Variants in GPI observed in about 807,000 individuals in gnomAD.
GPI encodes D-hexose-6-phosphate anomerase.
In GPI, 56 loss-of-function variants were observed where a neutral mutation model predicts 75.8. That is an observed-to-expected ratio of 0.74 (90% CI 0.60 to 0.92). The LOEUF (loss-of-function observed/expected upper bound fraction) is 0.92. Ranked by LOEUF, GPI falls within the 40% of genes least tolerant of loss-of-function variation. The pLI is 0.00. For missense variants in GPI, 638 were observed against 741.0 expected, an observed-to-expected ratio of 0.86 and a Z score of 1.61; for synonymous variants, 288 against 285.4, an observed-to-expected ratio of 1.01 and a Z score of -0.09.
At chr19:34,365,810 G>T in intron 1 of GPI, 1 of 470,538 alleles carries the variant, frequency 2.1e-6, no homozygotes, top group Non-Finnish European at 4.2e-6. Context: ...CGGGCAGCCC[G>T]GGCGGGGGTG....
intron 8 of GPI, chr19:34,381,248 C>A: frequency 1.6e-6 from 1 of 617,554 alleles, no homozygotes; most frequent in South Asian, 1.9e-5. Flanking sequence ...ACGTCACTGG[C>A]GTGCTGGTCA....
chr19:34,378,185 C>G (rs2074579813), intron 6 of GPI, among the ~76,000 whole-genome samples: 1 of 151,414 alleles, frequency 6.6e-6, no homozygotes, highest in Non-Finnish European at 1.5e-5. Context: ...GTCCTTTATG[C>G]CTGCTCCTTT....
intron 8 of GPI, chr19:34,380,944 C>G (rs1166581176): frequency 8.2e-6 from 2 of 244,108 alleles, no homozygotes; most frequent in Non-Finnish European, 1.6e-5. Flanking sequence ...ATTGCTGGCC[C>G]TGTCTGCCCT....
intron 4 of GPI, among the ~76,000 whole-genome samples, chr19:34,369,630 C>T (rs1054974084): frequency 6.6e-6 from 1 of 152,012 alleles, no homozygotes; most frequent in African/African-American, 2.4e-5. Flanking sequence ...TCGCTTGAAC[C>T]CGTGCGGCAG....
intron 1 of GPI, chr19:34,365,943 A>G (rs1455445430): frequency 2.0e-6 from 1 of 492,540 alleles, no homozygotes; most frequent in Non-Finnish European, 4.0e-6. Context: ...CGGCCAAGGG[A>G]GCTCTGATCA....
At chr19:34,384,669 A>G (rs932120920) in intron 9 of GPI, among the ~76,000 whole-genome samples, 10 of 152,150 alleles carry the variant, frequency 6.6e-5, no homozygotes, top group African/African-American at 2.4e-4. Flanking sequence ...AGGCAGGTGG[A>G]TAGAGCCAGG....
At chr19:34,366,473 C>G in intron 2 of GPI, 38 bp downstream of exon 2, 4 of 1,424,998 alleles carry the variant, frequency 2.8e-6, no homozygotes, top group Non-Finnish European at 4.0e-6. Flanking sequence ...TGGTAACCGA[C>G]AGAGTGGTGG....
chr19:34,387,733 C>G (rs376200631), intron 9 of GPI, among the ~76,000 whole-genome samples: 24 of 152,292 alleles, frequency 1.6e-4, no homozygotes, highest in African/African-American at 5.8e-4. Flanking sequence ...TGGATCCAGG[C>G]TCAGTTCCAC....
rs2074995577 is a variant in GPI at position 34,399,788 on chromosome 19, G to A, written c.1541+3G>A. On this transcript the variant is annotated splice_donor_region_variant and intron_variant, in intron 17 of 17. Transcript: ENST00000356487. Reference sequence around the variant, plus strand: ...ATCAACAGCTTTGACCAGTGGGGGTGAGTTGCTCACTTAGGGGAGGGCCGG... The same window carrying A: ...ATCAACAGCTTTGACCAGTGGGGGTAAGTTGCTCACTTAGGGGAGGGCCGG... The A allele has an allele frequency of 1.9e-6, 3 of 1,613,826 alleles. No individual in the cohort carries two copies. Among genetic ancestry groups the A allele is most frequent in the Admixed American group, 1.7e-5 (1 of 59,994 alleles).
chr19:34,388,708 C>CA (rs2074776573), intron 9 of GPI, among the ~76,000 whole-genome samples: 1 of 152,076 alleles, frequency 6.6e-6, no homozygotes. Flanking sequence ...GCTGGGCTGT[C>CA]ACAAAACTGG....
chr19:34,377,930 T>TGGGGA (rs763707333), intron 6 of GPI, 49 bp downstream of exon 6: 1 of 1,600,592 alleles, frequency 6.2e-7, no homozygotes, highest in Non-Finnish European at 8.6e-7. Flanking sequence ...TGTGTTGGGG[T>TGGGGA]GGGGAGGGAC....
chr19:34,361,991 T>C (rs2074303965), upstream of GPI, among the ~76,000 whole-genome samples: 1 of 151,878 alleles, frequency 6.6e-6, no homozygotes, highest in African/African-American at 2.4e-5. Flanking sequence ...GTTGCATGCC[T>C]GTAATCTCAG....
At chr19:34,372,825 G>A (rs902328998) in intron 4 of GPI, among the ~76,000 whole-genome samples, 3 of 152,030 alleles carry the variant, frequency 2.0e-5, no homozygotes, top group African/African-American at 7.2e-5. Flanking sequence ...CCAGGCTGGA[G>A]TGCAATGGCC....
intron 4 of GPI, among the ~76,000 whole-genome samples, chr19:34,375,876 C>A (rs977987681): frequency 6.6e-6 from 1 of 152,174 alleles, no homozygotes; most frequent in Non-Finnish European, 1.5e-5. Flanking sequence ...TATGCAGAGG[C>A]ATGAATTCCA....
At chr19:34,391,308 G>C (rs2074825822) in intron 9 of GPI, among the ~76,000 whole-genome samples, 1 of 106,816 alleles carries the variant, frequency 9.4e-6, no homozygotes, top group Admixed American at 9.2e-5. Context: ...ATCTGGCCCT[G>C]GTATGAGGAT....
At chr19:34,395,552 AAAG>A (rs1172199588) in intron 12 of GPI, among the ~76,000 whole-genome samples, 1 of 152,056 alleles carries the variant, frequency 6.6e-6, no homozygotes, top group East Asian at 1.9e-4. Context: ...TTTGGGAAAA[AAAG>A]AAGCTGTGCA....
Position 34,366,113 on chromosome 19 carries a change from A to G in GPI, c.123-232A>G, listed in dbSNP as rs779603540. ...CCACTTCAGTCCGGGCTCCTCATCCAGGGTCTGCCTGCATCTACGGTCTGT... is the reference window on the plus strand; with the variant it reads ...CCACTTCAGTCCGGGCTCCTCATCCGGGGTCTGCCTGCATCTACGGTCTGT... On this transcript the variant is annotated intron_variant, in intron 1 of 17. Transcript: ENST00000356487. 2.2e-5 allele frequency: 15 copies of G among 692,738 alleles called. No homozygotes were observed. The South Asian group carries it at 2.2e-4, about 10-fold the overall frequency. 42.9% of individuals were successfully genotyped at this position (692,738 alleles called of 1,614,324 possible). A position where few individuals can be genotyped will look rare whatever the true frequency, so the allele number is the denominator to read the frequency against.
In GPI at chr19:34,399,661, G is replaced by C. The variant is rs1174635805; in HGVS notation, c.1474+30G>C. 5.0e-6 allele frequency: 8 copies of C among 1,613,566 alleles called. No homozygotes were observed. The Admixed American group carries it at 1.2e-4, about 24-fold the overall frequency. On this transcript the variant is annotated intron_variant, in intron 16 of 17. Coordinates refer to ENST00000356487, the MANE Select transcript of GPI (RefSeq NM_000175.5). ...GTGAGTAGGGGAAAGGTCCTGGCTT[G>C]GGGTAGGTTGGAATGGGCTTGTGGA...
intron 17 of GPI, 44 bp downstream of exon 17, chr19:34,399,829 G>A (rs762569379): frequency 1.1e-5 from 18 of 1,612,634 alleles, no homozygotes; most frequent in African/African-American, 6.7e-5. Flanking sequence ...CCTTTGTGTC[G>A]GCTCAGGGAT....
Sources: gnomAD v4.1 joint callset for allele counts (sites outside exome capture counted in the v4.1 genomes callset) on GRCh38, gnomAD v4.1.1 for gene constraint, MANE v1.5 for transcripts, NCBI Gene and HGNC (gene_info 2026-07-23, HGNC 2026-07-21) for gene names.